LRRTM4: variants seen among roughly 807,000 people sequenced by gnomAD.
LRRTM4 encodes the protein leucine rich repeat transmembrane neuronal 4.
A neutral mutation model predicts 47.6 loss-of-function variants in LRRTM4; 25 were observed. The ratio of observed to expected loss-of-function variants is 0.53; its 90% confidence interval spans 0.38 to 0.73. The LOEUF (loss-of-function observed/expected upper bound fraction) is 0.73, where lower values mean the gene tolerates loss of function less well. Ranked by LOEUF, LRRTM4 falls within the 30% of genes least tolerant of loss-of-function variation. LRRTM4 has a pLI of 0.00. For synonymous variants in LRRTM4, 311 were observed against 269.5 expected (o/e 1.15, Z -1.51); for missense variants, 638 against 713.4 (o/e 0.89, Z 1.20).
intron 3 of LRRTM4, among the ~76,000 whole-genome samples, chr2:76,928,049 C>G (rs1252838936): frequency 6.6e-6 from 1 of 152,052 alleles, no homozygotes; most frequent in Non-Finnish European, 1.5e-5. Context: ...TCCTGTAAGG[C>G]AGAGAATGTG....
In LRRTM4 at chr2:76,875,913, C is replaced by T. The variant is rs1294862571; in HGVS notation, c.1552-126997G>A. 4.6e-5 allele frequency among the ~76,000 whole-genome samples: 7 copies of T among 152,212 alleles called. No homozygotes were observed. In the East Asian group the frequency reaches 1.4e-3, roughly 29 times the overall value. On this transcript the variant is annotated intron_variant, in intron 3 of 3. Transcript: ENST00000409884. ...GAGTTTCCCTATAAAAATGTGTCTT[C>T]CATAGAGAAGCACCAATATGGGAAC...
chr2:76,916,562 T>A (rs116503294), intron 3 of LRRTM4, among the ~76,000 whole-genome samples: 1 of 151,968 alleles, frequency 6.6e-6, no homozygotes, highest in Non-Finnish European at 1.5e-5. Context: ...AATAGGCAAT[T>A]TGCAATTAAA....
rs1170037878 is a variant in LRRTM4 at position 77,438,331 on chromosome 2, A to G, written c.1551+79987T>C. 3.3e-5 allele frequency among the ~76,000 whole-genome samples: 5 copies of G among 151,940 alleles called. 1 individual carries two copies. Among genetic ancestry groups the G allele is most frequent in the Non-Finnish European group, 2.9e-5 (2 of 67,976 alleles). On this transcript the variant is annotated intron_variant, in intron 3 of 3. Coordinates refer to ENST00000409884, the MANE Select transcript of LRRTM4 (RefSeq NM_001134745.3). Reference sequence around the variant, plus strand: ...ATCATATTTTGTGAAGAGGGTGGAAATAATAGTGTGTCTCAAATAGGTTGG... The same window carrying G: ...ATCATATTTTGTGAAGAGGGTGGAAGTAATAGTGTGTCTCAAATAGGTTGG...
intron 3 of LRRTM4, among the ~76,000 whole-genome samples, chr2:76,853,226 G>A (rs375079117): frequency 6.6e-5 from 10 of 152,070 alleles, no homozygotes; most frequent in East Asian, 1.9e-4. Flanking sequence ...GGCTATTGTC[G>A]CTATCATAGC....
chr2:77,124,171 C>T (rs1671596186), intron 3 of LRRTM4, among the ~76,000 whole-genome samples: 1 of 151,924 alleles, frequency 6.6e-6, no homozygotes, highest in African/African-American at 2.4e-5. Context: ...TGGACAAGCT[C>T]AATTCTGAGT....
At chr2:76,955,729 C>A (rs572912759) in intron 3 of LRRTM4, among the ~76,000 whole-genome samples, 66 of 151,762 alleles carry the variant, frequency 4.3e-4, no homozygotes, top group African/African-American at 1.4e-3. Flanking sequence ...AGGATCTCAC[C>A]TTTCACTCTC....
chr2:76,894,764 T>C (rs996333614), intron 3 of LRRTM4, among the ~76,000 whole-genome samples: 1 of 151,946 alleles, frequency 6.6e-6, no homozygotes, highest in African/African-American at 2.4e-5. Flanking sequence ...CGAATATCTG[T>C]ATTTGTATAT....
intron 3 of LRRTM4, among the ~76,000 whole-genome samples, chr2:77,332,163 T>A (rs1670996015): frequency 6.6e-6 from 1 of 152,210 alleles, no homozygotes; most frequent in African/African-American, 2.4e-5. Flanking sequence ...GGTAAACTTC[T>A]TCAAAATTCA....
chr2:77,448,441 A>G (rs535890737), intron 3 of LRRTM4, among the ~76,000 whole-genome samples: 1 of 152,176 alleles, frequency 6.6e-6, no homozygotes, highest in Non-Finnish European at 1.5e-5. Flanking sequence ...AGAGGGATAC[A>G]GTTTGCAGTT....
intron 3 of LRRTM4, among the ~76,000 whole-genome samples, chr2:76,780,875 C>A (rs555965893): frequency 1.3e-5 from 2 of 149,276 alleles, no homozygotes; most frequent in Admixed American, 1.4e-4. Context: ...CTGTTTTTTC[C>A]CCGTCTTTGT....
intron 3 of LRRTM4, among the ~76,000 whole-genome samples, chr2:77,304,275 C>T (rs1050988732): frequency 4.0e-5 from 6 of 151,772 alleles, no homozygotes; most frequent in Admixed American, 2.6e-4. Flanking sequence ...AGGTCTTTTG[C>T]CCATTTTTAA....
intron 3 of LRRTM4, among the ~76,000 whole-genome samples, chr2:76,983,660 TTATAG>T (rs1454903613): frequency 6.6e-6 from 1 of 152,062 alleles, no homozygotes; most frequent in Non-Finnish European, 1.5e-5. Context: ...TATACAGTAA[TTATAG>T]TATTTTTTAA....
chr2:77,203,371 A>T (rs1674031652), intron 3 of LRRTM4, among the ~76,000 whole-genome samples: 1 of 152,066 alleles, frequency 6.6e-6, no homozygotes, highest in Non-Finnish European at 1.5e-5. Flanking sequence ...AAAGAAAAGG[A>T]TTTCAAGAAC....
intron 3 of LRRTM4, among the ~76,000 whole-genome samples, chr2:77,420,720 T>G (rs1160147119): frequency 6.7e-6 from 1 of 148,386 alleles, no homozygotes; most frequent in Non-Finnish European, 1.5e-5. Flanking sequence ...TCAGAGAATA[T>G]AATCTGGATG....
chr2:76,950,664 C>A (rs948278841), intron 3 of LRRTM4, among the ~76,000 whole-genome samples: 1 of 151,816 alleles, frequency 6.6e-6, no homozygotes, highest in South Asian at 2.1e-4. Context: ...TAAACAAACA[C>A]TACATTCTGC....
At chr2:76,835,850 T>C (rs944313466) in intron 3 of LRRTM4, among the ~76,000 whole-genome samples, 3 of 152,068 alleles carry the variant, frequency 2.0e-5, no homozygotes, top group Non-Finnish European at 4.4e-5. Context: ...AAATAGATTA[T>C]GAATATGAGT....
chr2:77,338,876 G>A (rs940482293), intron 3 of LRRTM4, among the ~76,000 whole-genome samples: 1 of 151,924 alleles, frequency 6.6e-6, no homozygotes, highest in African/African-American at 2.4e-5. Context: ...TGGACTGGAT[G>A]AAGAAAATGT....
chr2:77,008,408 A>C (rs1296032094), intron 3 of LRRTM4, among the ~76,000 whole-genome samples: 1 of 152,192 alleles, frequency 6.6e-6, no homozygotes, highest in East Asian at 1.9e-4. Flanking sequence ...TATGGTTCAG[A>C]TTCTTCAACA....
At chr2:77,231,223 GCA>G (rs1037299777) in intron 3 of LRRTM4, among the ~76,000 whole-genome samples, 10 of 150,276 alleles carry the variant, frequency 6.7e-5, no homozygotes, top group African/African-American at 1.5e-4. Flanking sequence ...ACACACACAT[GCA>G]CACACACACA....
Sources: gnomAD v4.1 joint callset for allele counts (sites outside exome capture counted in the v4.1 genomes callset) on GRCh38, gnomAD v4.1.1 for gene constraint, MANE v1.5 for transcripts, NCBI Gene and HGNC (gene_info 2026-07-23, HGNC 2026-07-21) for gene names.